The following NCALD variants were observed in gnomAD, a reference collection of about 807,000 sequenced individuals.
NCALD encodes neurocalcin-delta.
Under a neutral mutation model 18.6 loss-of-function variants are expected in NCALD, and 10 were observed. That is an observed-to-expected ratio of 0.54 (90% confidence interval 0.33 to 0.91). The LOEUF (loss-of-function observed/expected upper bound fraction) is 0.91, where lower values mean the gene tolerates loss of function less well. NCALD is among the 40% of genes least tolerant of loss of function. The pLI is 0.03. For synonymous variants in NCALD, 88 were observed against 87.4 expected (o/e 1.01, Z -0.04); for missense variants, 184 against 247.6 (o/e 0.74, Z 1.72).
intron 1 of NCALD, among the ~76,000 whole-genome samples, chr8:102,088,555 GA>G (rs201483363): frequency 0.19 from 26,167 of 138,900 alleles, 2,728 homozygotes; most frequent in African/African-American, 0.31. Context: ...TGTTTTCGGG[GA>G]AAAAAAAAAA....
chr8:102,039,367 A>G (rs980404813), intron 1 of NCALD, among the ~76,000 whole-genome samples: 3 of 152,218 alleles, frequency 2.0e-5, no homozygotes, highest in Non-Finnish European at 4.4e-5. Context: ...TCACACTTGC[A>G]TTGTCTTCAG....
rs184318332 is a variant in NCALD, at chr8:101,945,238, T to C, written c.-156-29380A>G. On this transcript the variant is annotated intron_variant, in intron 2 of 6. Transcript: ENST00000311028. ...TTTTCCAACAAGCATTTATTGAGCC[T>C]CTACTATGTGCCAGGCATCATGCTA... Among the ~76,000 whole-genome samples, 244 of 152,322 alleles carry C rather than the reference T, an allele frequency of 1.6e-3. 3 individuals carry two copies. The highest frequency in any genetic ancestry group is 5.1e-3 in the African/African-American group (213 of 41,558).
intron 1 of NCALD, among the ~76,000 whole-genome samples, chr8:101,720,869 G>A (rs990672694): frequency 2.0e-5 from 3 of 152,228 alleles, no homozygotes; most frequent in African/African-American, 7.2e-5. Flanking sequence ...TTCTGTGGAT[G>A]CAGAATAAGA....
At chr8:102,052,774 C>G (rs903513892) in intron 1 of NCALD, among the ~76,000 whole-genome samples, 2 of 152,220 alleles carry the variant, frequency 1.3e-5, no homozygotes, top group African/African-American at 4.8e-5. Context: ...TTACTCAGCT[C>G]TGCAGTTGTA....
chr8:101,987,930 G>A (rs1425238470), intron 2 of NCALD, among the ~76,000 whole-genome samples: 1 of 152,080 alleles, frequency 6.6e-6, no homozygotes, highest in Non-Finnish European at 1.5e-5. Flanking sequence ...CGAGGCGGGC[G>A]GATCACGAGG....
intron 3 of NCALD, among the ~76,000 whole-genome samples, chr8:101,890,120 A>G (rs1186794254): frequency 6.6e-6 from 1 of 152,236 alleles, no homozygotes; most frequent in South Asian, 2.1e-4. Flanking sequence ...TGAAATGAAC[A>G]AAAGACCAGT....
At chr8:101,897,357 G>A (rs935862388) in intron 3 of NCALD, among the ~76,000 whole-genome samples, 2 of 139,108 alleles carry the variant, frequency 1.4e-5, no homozygotes, top group African/African-American at 5.4e-5. Context: ...CACACTCTGG[G>A]GACTGTGGTG....
chr8:101,904,414 C>A (rs894571184), intron 3 of NCALD, among the ~76,000 whole-genome samples: 3 of 152,124 alleles, frequency 2.0e-5, no homozygotes, highest in Admixed American at 6.5e-5. Context: ...TTTCCCATCT[C>A]CCCACTTCCT....
intron 1 of NCALD, among the ~76,000 whole-genome samples, chr8:102,067,952 G>C (rs1006526297): frequency 1.3e-5 from 2 of 152,004 alleles, no homozygotes; most frequent in Non-Finnish European, 2.9e-5. Context: ...CTCCCCCTTC[G>C]CTCTGTTCTG....
chr8:101,707,654 A>G (rs1292034122), intron 2 of NCALD, among the ~76,000 whole-genome samples: 3 of 152,220 alleles, frequency 2.0e-5, no homozygotes, highest in African/African-American at 7.2e-5. Flanking sequence ...TGCCTTCATC[A>G]GAAGATGTCA....
At chr8:101,815,485 G>A (rs1349126559) in intron 4 of NCALD, among the ~76,000 whole-genome samples, 2 of 152,074 alleles carry the variant, frequency 1.3e-5, no homozygotes, top group Admixed American at 6.6e-5. Flanking sequence ...ATTAAAATGT[G>A]GCCCAAAGAC....
chr8:102,081,564 A>AAAAACAAAAAAAAAAACAAAC (rs1563601094), intron 1 of NCALD, among the ~76,000 whole-genome samples: 1 of 113,720 alleles, frequency 8.8e-6, no homozygotes, highest in African/African-American at 4.4e-5. Flanking sequence ...AAAAAAAAAA[A>AAAAACAAAAAAAAAAACAAAC]AAAAAAAAAA....
At chr8:102,018,509 G>A (rs1822166268) in intron 2 of NCALD, among the ~76,000 whole-genome samples, 1 of 152,122 alleles carries the variant, frequency 6.6e-6, no homozygotes, top group South Asian at 2.1e-4. Context: ...CACGTAGTAT[G>A]TGAGGCCATT....
At chr8:101,739,499 G>A (rs577462924) in intron 1 of NCALD, among the ~76,000 whole-genome samples, 126 of 152,264 alleles carry the variant, frequency 8.3e-4, no homozygotes, top group African/African-American at 2.8e-3. Flanking sequence ...TGAGTCAGTG[G>A]ACTGGGAGAG....
At chr8:101,969,552 A>G (rs1457065988) in intron 2 of NCALD, among the ~76,000 whole-genome samples, 1 of 152,224 alleles carries the variant, frequency 6.6e-6, no homozygotes, top group Non-Finnish European at 1.5e-5. Context: ...TCTTTTAATG[A>G]AGACATAAGT....
intron 1 of NCALD, among the ~76,000 whole-genome samples, chr8:102,093,709 C>T (rs1156749317): frequency 1.3e-5 from 2 of 152,154 alleles, no homozygotes; most frequent in African/African-American, 4.8e-5. Context: ...CCACAAGTTT[C>T]CTGGGTCCCC....
chr8:101,854,549 A>T (rs1365790005), intron 4 of NCALD, among the ~76,000 whole-genome samples: 1 of 152,034 alleles, frequency 6.6e-6, no homozygotes, highest in Admixed American at 6.6e-5. Context: ...CCTGGTCTTG[A>T]CAGCAAATCT....
At position 101,686,966 on chromosome 8, in the gene NCALD, A is replaced by T. The variant is rs1814499094; in HGVS notation, c.*2343T>A. 1 of 152,490 alleles carries T rather than the reference A, an allele frequency of 6.6e-6. No homozygotes were observed. The highest frequency in any genetic ancestry group is 2.4e-5 in the African/African-American group (1 of 41,398). 9.4% of individuals were successfully genotyped at this position (152,490 alleles called of 1,614,324 possible). A position where few individuals can be genotyped will look rare whatever the true frequency, so the allele number is the denominator to read the frequency against. ...ACATACAAAGACCTTCCTGGGAAGG[A>T]GAAGGAGAAAAACAACCTCCGAGAA... On this transcript the variant is annotated 3_prime_UTR_variant, in exon 4 of 4. Transcript: ENST00000220931.
intron 1 of NCALD, among the ~76,000 whole-genome samples, chr8:101,774,972 C>G (rs1029436424): frequency 1.3e-5 from 2 of 152,208 alleles, no homozygotes; most frequent in Admixed American, 6.5e-5. Flanking sequence ...CTAAGGGGAT[C>G]TGTGCCAGTT....
Sources: allele counts gnomAD v4.1 joint callset (sites outside exome capture counted in the v4.1 genomes callset), GRCh38; gene constraint gnomAD v4.1.1; transcripts MANE v1.5; gene names NCBI Gene and HGNC (gene_info 2026-07-23, HGNC 2026-07-21).